Variants in GPHN observed in about 807,000 individuals in gnomAD.
GPHN encodes the protein gephyrin.
In GPHN, 17 loss-of-function variants were observed where a neutral mutation model predicts 95.5. The ratio of observed to expected loss-of-function variants is 0.18; its 90% CI spans 0.12 to 0.27. The LOEUF (loss-of-function observed/expected upper bound fraction) is 0.27, where lower values mean the gene tolerates loss of function less well. GPHN is among the 10% of genes least tolerant of loss of function. The probability of loss-of-function intolerance (pLI) is 1.00; values close to 1 mark genes in which losing one functional copy is unlikely to be tolerated. For synonymous variants in GPHN, 320 were observed against 322.5 expected, an observed-to-expected ratio of 0.99 and a Z score of 0.08; for missense variants, 660 against 978.1, an observed-to-expected ratio of 0.67 and a Z score of 4.34.
chr14:66,588,287 C>T (rs1397463178), intron 1 of GPHN, among the ~76,000 whole-genome samples: 1 of 151,956 alleles, frequency 6.6e-6, no homozygotes, highest in Non-Finnish European at 1.5e-5. Flanking sequence ...TGAGGAGGAA[C>T]CAGCACAAAA....
chr14:67,331,643 A>T, the GPHN span, among the ~76,000 whole-genome samples: 8 of 152,200 alleles, frequency 5.3e-5, no homozygotes, highest in African/African-American at 1.9e-4. Context: ...AACTTCAGAC[A>T]TGAAGTACTA....
intron 1 of GPHN, among the ~76,000 whole-genome samples, chr14:66,563,677 T>G (rs995934300): frequency 3.9e-5 from 6 of 152,210 alleles, no homozygotes; most frequent in Non-Finnish European, 7.4e-5. Flanking sequence ...TAGTTCATTT[T>G]CAGTATCCCG....
At chr14:66,781,421 G>A (rs1206963249) in intron 3 of GPHN, among the ~76,000 whole-genome samples, 2 of 151,804 alleles carry the variant, frequency 1.3e-5, no homozygotes, top group African/African-American at 4.8e-5. Context: ...TTTGCTATGT[G>A]GGCCAGGCTG....
At chr14:67,433,962 T>C in the GPHN span, among the ~76,000 whole-genome samples, 1 of 152,232 alleles carries the variant, frequency 6.6e-6, no homozygotes, top group African/African-American at 2.4e-5. Context: ...TGGACGGATC[T>C]AAATGTGTTT....
the GPHN span, chr14:67,691,333 AG>A: frequency 1.2e-6 from 1 of 800,864 alleles, no homozygotes; most frequent in Non-Finnish European, 2.1e-6. Context: ...TTTGAAAATG[AG>A]GATGCAGGAC....
chr14:66,565,053 A>G (rs2060405920), intron 1 of GPHN, among the ~76,000 whole-genome samples: 1 of 152,048 alleles, frequency 6.6e-6, no homozygotes, highest in Admixed American at 6.6e-5. Context: ...TATGATACTG[A>G]TGCACTTCCT....
the GPHN span, among the ~76,000 whole-genome samples, chr14:67,431,455 A>G: frequency 6.6e-6 from 1 of 150,412 alleles, no homozygotes; most frequent in African/African-American, 2.5e-5. Flanking sequence ...TTGGGAGGCC[A>G]AAGTAGGAGA....
chr14:67,362,917 A>G, the GPHN span, among the ~76,000 whole-genome samples: 1 of 152,146 alleles, frequency 6.6e-6, no homozygotes, highest in Non-Finnish European at 1.5e-5. Flanking sequence ...TTTATGTTGC[A>G]AAGAGACTTG....
the GPHN span, among the ~76,000 whole-genome samples, chr14:67,565,000 A>T: frequency 1.3e-5 from 2 of 152,090 alleles, no homozygotes; most frequent in Non-Finnish European, 2.9e-5. Context: ...CCTGTACCTG[A>T]CATTTTCCAT....
the GPHN span, chr14:67,200,347 C>T: frequency 1.6e-6 from 1 of 642,192 alleles, no homozygotes; most frequent in Non-Finnish European, 2.8e-6. Context: ...TTCCTTCCTC[C>T]TATTACATCT....
intron 3 of GPHN, among the ~76,000 whole-genome samples, chr14:66,789,833 A>T (rs2059910170): frequency 6.6e-6 from 1 of 152,200 alleles, no homozygotes; most frequent in African/African-American, 2.4e-5. Flanking sequence ...CAGAGAGCTG[A>T]GTATCTTTCC....
chr14:67,077,999 T>C (rs1490091629), intron 11 of GPHN, among the ~76,000 whole-genome samples: 2 of 152,210 alleles, frequency 1.3e-5, no homozygotes, highest in Non-Finnish European at 2.9e-5. Context: ...TGCATGTGTG[T>C]TTATGGTCTT....
At chr14:67,582,541 G>A in the GPHN span, among the ~76,000 whole-genome samples, 2 of 152,124 alleles carry the variant, frequency 1.3e-5, no homozygotes, top group African/African-American at 4.8e-5. This position sits in a 1 kb window ranked among gnomAD's most constrained non-coding sequence, Gnocchi z 5.0. Flanking sequence ...ATACTTGGCC[G>A]GGAGCAGTGG....
chr14:67,064,161 G>A (rs192378985), intron 11 of GPHN, among the ~76,000 whole-genome samples: 125 of 152,134 alleles, frequency 8.2e-4, no homozygotes, highest in African/African-American at 2.7e-3. Context: ...GAGTTTTGTC[G>A]AAGGCCTTTT....
chr14:67,095,898 G>A (rs2077353433), intron 12 of GPHN, among the ~76,000 whole-genome samples: 1 of 143,142 alleles, frequency 7.0e-6, no homozygotes, highest in South Asian at 2.2e-4. Context: ...CCGGCACATT[G>A]TGCACATGTA....
At chr14:66,543,127 TA>T (rs1235251461) in intron 1 of GPHN, among the ~76,000 whole-genome samples, 2 of 152,168 alleles carry the variant, frequency 1.3e-5, no homozygotes, top group Non-Finnish European at 2.9e-5. Context: ...GGGTTGGTGC[TA>T]AAATTAATTC....
the GPHN span, among the ~76,000 whole-genome samples, chr14:67,642,793 C>CTTTTTTTTTTT: frequency 2.6e-3 from 199 of 75,552 alleles, 50 homozygotes; most frequent in East Asian, 6.8e-3. Flanking sequence ...ACTACATTTT[C>CTTTTTTTTTTT]TTTTTTTTTT....
At chr14:67,175,301 G>T (rs1199334698) in intron 21 of GPHN, among the ~76,000 whole-genome samples, 1 of 152,146 alleles carries the variant, frequency 6.6e-6, no homozygotes, top group African/African-American at 2.4e-5. Context: ...CTTATGGCTA[G>T]CCAGTTTTCC....
intron 9 of GPHN, among the ~76,000 whole-genome samples, chr14:67,012,013 AC>A (rs2073044279): frequency 6.6e-6 from 1 of 152,222 alleles, no homozygotes; most frequent in South Asian, 2.1e-4. Context: ...TGCAAATGAA[AC>A]AAAAATCACT....
Sources: allele counts gnomAD v4.1 joint callset (sites outside exome capture counted in the v4.1 genomes callset), GRCh38; gene constraint gnomAD v4.1.1; non-coding constraint Gnocchi (gnomAD v3.1); transcripts MANE v1.5; gene names NCBI Gene and HGNC (gene_info 2026-07-23, HGNC 2026-07-21).